The following SAMD12 variants were observed in gnomAD, a reference collection of about 807,000 sequenced individuals.
The protein encoded by SAMD12 is sterile alpha motif domain-containing protein 12.
In SAMD12, 9 loss-of-function variants were observed where a neutral mutation model predicts 15.0. That is an observed-to-expected ratio of 0.60 (90% CI 0.36 to 1.05). The LOEUF (loss-of-function observed/expected upper bound fraction) is 1.05. Among genes scored for constraint, SAMD12 ranks in the 50% least tolerant of loss-of-function variants. SAMD12 has a pLI of 0.01. For missense variants in SAMD12, 230 were observed against 234.2 expected (o/e 0.98, Z 0.12); for synonymous variants, 86 against 90.1 (o/e 0.96, Z 0.25).
At chr8:118,533,856 T>A (rs1400150758) in intron 2 of SAMD12, among the ~76,000 whole-genome samples, 1 of 152,220 alleles carries the variant, frequency 6.6e-6, no homozygotes, top group African/African-American at 2.4e-5. Flanking sequence ...GAGATGGGTT[T>A]CCTGAATACA....
At chr8:118,268,493 C>A (rs1400405764) in intron 4 of SAMD12, among the ~76,000 whole-genome samples, 1 of 152,048 alleles carries the variant, frequency 6.6e-6, no homozygotes, top group Non-Finnish European at 1.5e-5. Context: ...AACTCTATAC[C>A]AGTTGTCTAA....
intron 4 of SAMD12, among the ~76,000 whole-genome samples, chr8:118,211,441 G>A (rs1236919639): frequency 6.6e-6 from 1 of 152,186 alleles, no homozygotes; most frequent in Non-Finnish European, 1.5e-5. Context: ...GAGAGAGGGA[G>A]GAAGCTCCTG....
At chr8:118,458,165 C>A (rs1159286681) in intron 2 of SAMD12, among the ~76,000 whole-genome samples, 1 of 152,222 alleles carries the variant, frequency 6.6e-6, no homozygotes, top group Non-Finnish European at 1.5e-5. Flanking sequence ...AATCACATTT[C>A]TCCACAAAAC....
At chr8:118,154,360 T>C in the SAMD12 span, among the ~76,000 whole-genome samples, 1 of 152,214 alleles carries the variant, frequency 6.6e-6, no homozygotes, top group Admixed American at 6.5e-5. Context: ...ATGCATGGGA[T>C]GCCCTTCCAG....
chr8:118,369,777 C>CA (rs1159461491), intron 4 of SAMD12, among the ~76,000 whole-genome samples: 8 of 151,762 alleles, frequency 5.3e-5, no homozygotes, highest in African/African-American at 1.9e-4. Context: ...ACAACAACAA[C>CA]AACAAAAAAC....
At chr8:118,603,955 T>C (rs1217287793) in intron 1 of SAMD12, among the ~76,000 whole-genome samples, 2 of 152,192 alleles carry the variant, frequency 1.3e-5, no homozygotes, top group African/African-American at 2.4e-5. Context: ...TAAAAGACAA[T>C]GACTAATTTT....
intron 2 of SAMD12, among the ~76,000 whole-genome samples, chr8:118,548,384 T>TACATAC (rs1554583414): frequency 3.6e-5 from 5 of 139,800 alleles, no homozygotes; most frequent in African/African-American, 1.4e-4. Flanking sequence ...AAAACACACA[T>TACATAC]ACACACACAC....
chr8:118,481,415 A>T (rs928282451), intron 2 of SAMD12, among the ~76,000 whole-genome samples: 6 of 152,206 alleles, frequency 3.9e-5, no homozygotes, highest in Non-Finnish European at 8.8e-5. Flanking sequence ...GCTGAATAGC[A>T]GGTTAGCTGG....
At chr8:118,439,157 A>G (rs1376139965) in intron 3 of SAMD12, among the ~76,000 whole-genome samples, 1 of 152,158 alleles carries the variant, frequency 6.6e-6, no homozygotes, top group African/African-American at 2.4e-5. Context: ...GCTTTCAAGT[A>G]CTTACTGACC....
downstream of SAMD12, among the ~76,000 whole-genome samples, chr8:118,374,186 T>C (rs1055724899): frequency 1.3e-5 from 2 of 152,138 alleles, no homozygotes; most frequent in Non-Finnish European, 2.9e-5. Context: ...TTTTACTTTG[T>C]TTCTATGATT....
At chr8:118,394,443 A>G (rs1427267692) in intron 3 of SAMD12, among the ~76,000 whole-genome samples, 1 of 152,216 alleles carries the variant, frequency 6.6e-6, no homozygotes, top group East Asian at 1.9e-4. Context: ...AGCTCTTGAA[A>G]GTAAGGGTGT....
chr8:118,521,578 C>T (rs9297588), intron 2 of SAMD12, among the ~76,000 whole-genome samples: 3 of 151,980 alleles, frequency 2.0e-5, no homozygotes, highest in African/African-American at 4.8e-5. Context: ...GTGTTATACT[C>T]GCAGATATGC....
chr8:118,437,597 A>C (rs1822613365), intron 3 of SAMD12, among the ~76,000 whole-genome samples: 1 of 152,114 alleles, frequency 6.6e-6, no homozygotes, highest in Non-Finnish European at 1.5e-5. Flanking sequence ...TTTGGAGATG[A>C]GGTAGTGAGG....
chr8:118,161,556 CTG>C, the SAMD12 span, among the ~76,000 whole-genome samples: 3 of 86,362 alleles, frequency 3.5e-5, no homozygotes, highest in South Asian at 1.1e-3. Flanking sequence ...AAGAGTAAGA[CTG>C]TCTAAAAAAA....
the SAMD12 span, among the ~76,000 whole-genome samples, chr8:118,155,362 TG>T: frequency 1.3e-5 from 2 of 152,060 alleles, no homozygotes; most frequent in Non-Finnish European, 2.9e-5. Context: ...ACAGTGTTTT[TG>T]GGGGGGTGGG....
At chr8:118,447,697 AT>A (rs200691826) in intron 2 of SAMD12, among the ~76,000 whole-genome samples, 3,594 of 124,298 alleles carry the variant, frequency 0.029, 127 homozygotes, top group African/African-American at 0.11. Context: ...TTTATTTTTT[AT>A]TTTTAATATT....
intron 2 of SAMD12, among the ~76,000 whole-genome samples, chr8:118,440,175 C>T (rs1440277267): frequency 2.1e-4 from 32 of 152,132 alleles, no homozygotes; most frequent in Admixed American, 2.1e-3. Flanking sequence ...ATGATCTAAC[C>T]ATCTCTGCTA....
At chr8:118,512,653 CAAT>C (rs1825119152) in intron 2 of SAMD12, among the ~76,000 whole-genome samples, 1 of 152,130 alleles carries the variant, frequency 6.6e-6, no homozygotes, top group African/African-American at 2.4e-5. Flanking sequence ...CTCATTTTTG[CAAT>C]AATATTACTA....
intron 1 of SAMD12, among the ~76,000 whole-genome samples, chr8:118,612,910 G>A (rs2514594): frequency 0.86 from 130,405 of 152,188 alleles, 56,485 homozygotes; most frequent in Middle Eastern, 0.96. Context: ...ACAACATGGA[G>A]GAATTTCAAT....
Sources: gnomAD v4.1 joint callset for allele counts (sites outside exome capture counted in the v4.1 genomes callset) on GRCh38, gnomAD v4.1.1 for gene constraint, MANE v1.5 for transcripts, NCBI Gene and HGNC (gene_info 2026-07-23, HGNC 2026-07-21) for gene names.